The following CFHR5 variants were observed in gnomAD, a reference collection of about 807,000 sequenced individuals.
The protein encoded by CFHR5 is complement factor H-related protein 5.
CFHR5 carries 73 observed loss-of-function variants against 62.9 expected under a neutral mutation model. That is an observed-to-expected ratio of 1.16 (90% CI 0.96 to 1.41). The LOEUF (loss-of-function observed/expected upper bound fraction) is 1.41. Ranked by LOEUF, CFHR5 falls within the 40% of genes most tolerant of loss-of-function variation. The pLI is 0.00. For synonymous variants in CFHR5, 249 were observed against 227.2 expected, an observed-to-expected ratio of 1.10 and a Z score of -0.86; for missense variants, 779 against 679.9, an observed-to-expected ratio of 1.15 and a Z score of -1.62.
At chr1:197,004,436 G>C (rs1017278775) in intron 8 of CFHR5, among the ~76,000 whole-genome samples, 4 of 152,052 alleles carry the variant, frequency 2.6e-5, no homozygotes, top group African/African-American at 9.7e-5. Flanking sequence ...TTACTCACCT[G>C]TCTCTCCTGC....
intron 6 of CFHR5, among the ~76,000 whole-genome samples, chr1:196,997,387 AT>A (rs1357375212): frequency 6.6e-6 from 1 of 152,202 alleles, no homozygotes; most frequent in Non-Finnish European, 1.5e-5. Flanking sequence ...TGAATTAAAA[AT>A]AGAAACTATT....
upstream of CFHR5, among the ~76,000 whole-genome samples, chr1:196,976,854 G>T (rs1187156467): frequency 4.2e-5 from 6 of 143,446 alleles, no homozygotes; most frequent in East Asian, 1.0e-3. Context: ...GCCCAGGCTG[G>T]AGTGCAGTGG....
intron 3 of CFHR5, among the ~76,000 whole-genome samples, chr1:196,989,420 T>C (rs983599681): frequency 1.3e-5 from 2 of 152,190 alleles, no homozygotes; most frequent in Non-Finnish European, 2.9e-5. Flanking sequence ...AGCTTTTGAA[T>C]GTGTTTGCTC....
chr1:196,993,092 G>T (rs1463707841), intron 3 of CFHR5, among the ~76,000 whole-genome samples: 1 of 151,956 alleles, frequency 6.6e-6, no homozygotes, highest in Non-Finnish European at 1.5e-5. Flanking sequence ...ATTTCTAATT[G>T]AATCAGAATA....
Position 196,995,735 on chromosome 1 carries a change from G to T in CFHR5, c.626G>T (p.Gly209Val), listed in dbSNP as rs1034915976. 4.3e-6 allele frequency: 7 copies of T among 1,612,872 alleles called. No homozygotes were observed. Among genetic ancestry groups the T allele is most frequent in the Non-Finnish European group, 5.9e-6 (7 of 1,179,140 alleles). Residue 209 changes from glycine (G) to valine (V), a missense_variant, in exon 5 of 10, where the codon GGT (glycine) becomes GTT (valine). Gly to Val is a moderately radical substitution (Grantham distance 109, BLOSUM62 -3). Transcript: ENST00000256785. ...ATAATAGGACAAGTACGATCATGTG[G>T]TCCACCTCCTCAACTCTCCAATGGT... Reference protein sequence around the residue: ...PTCKGQVRSCGPPPQLSNGEV... With the variant: ...PTCKGQVRSCVPPPQLSNGEV...
At chr1:197,004,995 T>C in intron 9 of CFHR5, 152 bp downstream of exon 9, 1 of 690,506 alleles carries the variant, frequency 1.4e-6, no homozygotes, top group Non-Finnish European at 2.4e-6. Context: ...ATTTGAAAAA[T>C]TTGCTTTATG....
chr1:196,997,655 T>G (rs1654030948), intron 6 of CFHR5, among the ~76,000 whole-genome samples: 1 of 152,140 alleles, frequency 6.6e-6, no homozygotes. Flanking sequence ...TTTGCTGAGC[T>G]TTTGAAATGT....
chr1:196,995,934 C>A, intron 5 of CFHR5, 35 bp downstream of exon 5: 1 of 1,596,462 alleles, frequency 6.3e-7, no homozygotes, highest in South Asian at 1.1e-5. Context: ...AGGACAGTTA[C>A]TATTACTTTG....
intron 7 of CFHR5, among the ~76,000 whole-genome samples, chr1:197,001,744 T>C (rs1272831487): frequency 8.6e-6 from 1 of 116,678 alleles, no homozygotes; most frequent in Non-Finnish European, 1.6e-5. Context: ...GATGTTCCCC[T>C]TCCTGTGTCC....
At chr1:196,982,615 G>A (rs554397544) in intron 1 of CFHR5, among the ~76,000 whole-genome samples, 1 of 152,082 alleles carries the variant, frequency 6.6e-6, no homozygotes, top group Admixed American at 6.5e-5. Flanking sequence ...GCTGCAGTGA[G>A]CCAAGATTTG....
intron 6 of CFHR5, among the ~76,000 whole-genome samples, chr1:196,996,899 G>C (rs971546164): frequency 2.0e-5 from 3 of 151,950 alleles, no homozygotes; most frequent in Non-Finnish European, 4.4e-5. Flanking sequence ...AGTAGTAGTA[G>C]TCTATCAGCC....
At position 197,006,369 on chromosome 1, in the gene CFHR5, TTTTATTTCCCATGAGATAGGAGATTA is replaced by T. The variant is rs530454545; in HGVS notation, c.1513+1527_1513+1552del. 6.4e-3 allele frequency among the ~76,000 whole-genome samples: 976 copies of T among 152,168 alleles called. 12 individuals are homozygous for T. Among genetic ancestry groups the T allele is most frequent in the African/African-American group, 0.023 (938 of 41,506 alleles). On this transcript the variant is annotated intron_variant, in intron 9 of 9. Coordinates refer to ENST00000256785, the MANE Select transcript of CFHR5 (RefSeq NM_030787.4). ...GATCTAACTATGAAATGTAAAATAA[TTTTATTTCCCATGAGATAGGAGATTA>T]AGATTAGACAGCTCTGAAGAAATAA...
Position 196,977,688 on chromosome 1 carries a change from C to T in CFHR5, c.24C>T (p.Ile8=). MLLLFSV[I]LISWVSTVGG... ...GCATGTTGCTCTTATTCAGTGTAAT[C>T]CTAATCTCATGGGTATCCACTGTTG... The change falls in exon 1 of 10, where the codon ATC becomes ATT. Residue 8 remains isoleucine, a synonymous_variant. Coordinates refer to ENST00000256785, the MANE Select transcript of CFHR5 (RefSeq NM_030787.4). The T allele has an allele frequency of 6.2e-7, 1 of 1,612,982 alleles. No individual in the cohort carries two copies. The highest frequency in any genetic ancestry group is 8.5e-7 in the Non-Finnish European group (1 of 1,179,182).
rs779082409 is a variant in CFHR5, at chr1:196,994,140, G to A, written c.491G>A (p.Ser164Asn). 5.6e-6 allele frequency: 9 copies of A among 1,613,380 alleles called. No individual in the cohort carries two copies. The East Asian group carries it at 1.6e-4, about 28-fold the overall frequency. Residue 164 changes from serine to asparagine, a missense_variant, in exon 4 of 10, where the codon AGC becomes AAC. Ser to Asn is a conservative substitution (Grantham distance 46). Coordinates refer to ENST00000256785, the MANE Select transcript of CFHR5 (RefSeq NM_030787.4). Reference protein sequence around the residue: ...ANVDAQPKKESYKVGDVLKFS... With the variant: ...ANVDAQPKKENYKVGDVLKFS... The stretch of plus-strand genomic sequence containing the variant: ...GTAGATGCTCAGCCAAAAAAAGAAA[G>A]CTACAAAGTTGGAGACGTGTTGAAA...
chr1:196,998,255 G>A lies in CFHR5; in HGVS notation c.1098G>A (p.Arg366=), dbSNP rs376503032. 9 of 1,610,220 alleles carry A rather than the reference G, an allele frequency of 5.6e-6. No individual in the cohort carries two copies. The highest frequency in any genetic ancestry group is 4.5e-5 in the East Asian group (2 of 44,714). Residue 366 remains arginine, a synonymous_variant, in exon 7 of 10, where the codon AGG becomes AGA. Transcript: ENST00000256785. ...GATGTTCAGACATCTTCAGATACAG[G>A]CACTCAGTCTGTATAAACGGGAAAT... ...RYRCSDIFRY[R]HSVCINGKWN...
chr1:196,987,350 A>G (rs1341731484), intron 3 of CFHR5, among the ~76,000 whole-genome samples: 1 of 151,942 alleles, frequency 6.6e-6, no homozygotes, highest in Non-Finnish European at 1.5e-5. Context: ...TGCTGTGCAG[A>G]AGCTCTTTAG....
chr1:196,977,893 G>A (rs1436254826), intron 1 of CFHR5, among the ~76,000 whole-genome samples, 171 bp downstream of exon 1: 3 of 152,090 alleles, frequency 2.0e-5, no homozygotes, highest in African/African-American at 7.2e-5. Context: ...GCAATTAGCA[G>A]GAAAATTGAA....
chr1:196,977,679 C>T lies in CFHR5; in HGVS notation c.15C>T (p.Phe5=), dbSNP rs1404375563. The change falls in exon 1 of 10, where the codon TTC becomes TTT. Residue 5 remains phenylalanine (F), a synonymous_variant. Coordinates refer to ENST00000256785, the MANE Select transcript of CFHR5 (RefSeq NM_030787.4). ...GACTACCAAGCATGTTGCTCTTATT[C>T]AGTGTAATCCTAATCTCATGGGTAT... MLLL[F]SVILISWVST... is the part of the protein sequence containing the mutation. The T allele has an allele frequency of 6.2e-7, 1 of 1,612,808 alleles. No homozygotes were observed. The highest frequency in any genetic ancestry group is 2.2e-5 in the East Asian group (1 of 44,798).
upstream of CFHR5, among the ~76,000 whole-genome samples, chr1:196,976,128 T>G (rs1653390173): frequency 6.6e-6 from 1 of 152,218 alleles, no homozygotes; most frequent in African/African-American, 2.4e-5. Flanking sequence ...TGACAAGGTT[T>G]AGATAGACTA....
Sources: gnomAD v4.1 joint callset for allele counts (sites outside exome capture counted in the v4.1 genomes callset) on GRCh38, gnomAD v4.1.1 for gene constraint, MANE v1.5 for transcripts, NCBI Gene and HGNC (gene_info 2026-07-23, HGNC 2026-07-21) for gene names.